Variants in MPP3 observed in about 807,000 individuals in gnomAD.
MPP3 encodes MAGUK p55 subfamily member 3.
In MPP3, 48 loss-of-function variants were observed where a neutral mutation model predicts 80.7. The ratio of observed to expected loss-of-function variants is 0.59; its 90% confidence interval spans 0.47 to 0.76. The LOEUF is 0.76. Ranked by LOEUF, MPP3 falls within the 30% of genes least tolerant of loss-of-function variation. The pLI is 0.00. For missense variants in MPP3, 620 were observed against 763.0 expected (o/e 0.81, Z 2.21); for synonymous variants, 311 against 297.6 (o/e 1.04, Z -0.46).
At chr17:43,801,976 G>T in intron 19 of MPP3, 99 bp from the exon 20 acceptor site, 2 of 1,233,780 alleles carry the variant, frequency 1.6e-6, no homozygotes, top group South Asian at 1.5e-5. Flanking sequence ...TAACTTTTAA[G>T]TGATGAGTGG....
chr17:43,821,139 C>A (rs1037076570), intron 10 of MPP3, 81 bp from the exon 11 acceptor site: 3 of 1,372,158 alleles, frequency 2.2e-6, no homozygotes, highest in South Asian at 1.2e-5. Context: ...GGCCACATGA[C>A]AACGACCATC....
chr17:43,804,238 T>TCC (rs2044525060), intron 19 of MPP3, among the ~76,000 whole-genome samples: 1 of 152,128 alleles, frequency 6.6e-6, no homozygotes, highest in African/African-American at 2.4e-5. Flanking sequence ...CATATGGAAA[T>TCC]GTAAAGGACC....
At chr17:43,808,220 C>T (rs2044702252) in intron 19 of MPP3, among the ~76,000 whole-genome samples, 1 of 152,176 alleles carries the variant, frequency 6.6e-6, no homozygotes. Context: ...TCCGAGAAGG[C>T]CTCCTTCAGA....
intron 10 of MPP3, among the ~76,000 whole-genome samples, chr17:43,821,261 A>G (rs372374313): frequency 3.6e-4 from 55 of 152,366 alleles, no homozygotes; most frequent in African/African-American, 1.3e-3. Flanking sequence ...CAGGAAGTCC[A>G]TCAAGAATCA....
At chr17:43,831,745 A>C in intron 3 of MPP3, 68 bp from the exon 4 acceptor site, 1 of 1,447,718 alleles carries the variant, frequency 6.9e-7, no homozygotes, top group South Asian at 1.2e-5. Context: ...GAGGAGCCCG[A>C]GTGGGGCCTC....
At chr17:43,806,007 T>A (rs566240979) in intron 19 of MPP3, among the ~76,000 whole-genome samples, 2 of 152,322 alleles carry the variant, frequency 1.3e-5, no homozygotes, top group South Asian at 4.1e-4. Flanking sequence ...CAAAATTTAG[T>A]CATGAGCCCA....
At chr17:43,831,410 C>T (rs2045954045) in intron 4 of MPP3, 89 bp from the exon 5 acceptor site, 1 of 1,428,540 alleles carries the variant, frequency 7.0e-7, no homozygotes, top group Non-Finnish European at 9.9e-7. Context: ...GACTGGGCCA[C>T]TGACAGGGCA....
rs2044390590 is a variant in MPP3, at chr17:43,800,974, G to C, written c.*727C>G. 1 of 152,238 alleles carries C rather than the reference G, an allele frequency of 6.6e-6. No homozygotes were observed. The highest frequency in any genetic ancestry group is 2.4e-5 in the African/African-American group (1 of 41,534). 9.4% of individuals were successfully genotyped at this position (152,238 alleles called of 1,614,324 possible). The stretch of plus-strand genomic sequence containing the variant: ...ACCAAGGCAACTGTCAGTAACAAAA[G>C]GGACAATGGATGGAATAGAACAAAT... On this transcript the variant is annotated 3_prime_UTR_variant, in exon 20 of 20. Coordinates refer to ENST00000398389, the MANE Select transcript of MPP3 (RefSeq NM_001932.6).
At chr17:43,805,877 C>G (rs2154591115) in intron 19 of MPP3, among the ~76,000 whole-genome samples, 1 of 152,280 alleles carries the variant, frequency 6.6e-6, no homozygotes, top group East Asian at 1.9e-4. Context: ...GTGGTAGTTG[C>G]AACAACTCTG....
intron 16 of MPP3, among the ~76,000 whole-genome samples, chr17:43,813,088 C>A (rs1473944488): frequency 2.6e-5 from 4 of 152,228 alleles, no homozygotes; most frequent in African/African-American, 9.6e-5. Flanking sequence ...AGCCACCAGG[C>A]ATTCACACTG....
chr17:43,807,874 T>C (rs1598323514), intron 19 of MPP3, among the ~76,000 whole-genome samples: 1 of 152,002 alleles, frequency 6.6e-6, no homozygotes, highest in African/African-American at 2.4e-5. Flanking sequence ...GAAGGAAGAC[T>C]GCTTGAGCCC....
intron 14 of MPP3, 199 bp from the exon 15 acceptor site, chr17:43,814,560 C>T (rs1260569320): frequency 7.8e-6 from 4 of 513,982 alleles, no homozygotes; most frequent in African/African-American, 1.9e-5. Flanking sequence ...CATTCACAAA[C>T]TAGGGCTTAA....
At chr17:43,809,895 A>C (rs1453059743) in intron 18 of MPP3, among the ~76,000 whole-genome samples, 3 of 152,110 alleles carry the variant, frequency 2.0e-5, no homozygotes. Flanking sequence ...AAAGAAAAAG[A>C]AATTGTACTC....
In MPP3 at chr17:43,824,013, G is replaced by A. The variant is rs369508128; in HGVS notation, c.610-8C>T. 50 of 1,597,880 alleles carry A rather than the reference G, an allele frequency of 3.1e-5. No individual in the cohort carries two copies. Among genetic ancestry groups the A allele is most frequent in the African/African-American group, 4.0e-5 (3 of 74,268 alleles). The stretch of plus-strand genomic sequence containing the variant: ...GGATCCCTGGGACTGGGCCTGAAAC[G>A]AAAGAGAACAGAAGCTTCTCGCCTA... On this transcript the variant is annotated splice_region_variant and splice_polypyrimidine_tract_variant and intron_variant, in intron 9 of 19. Transcript: ENST00000398389.
chr17:43,826,934 C>CAA (rs921936273), intron 8 of MPP3, among the ~76,000 whole-genome samples: 48 of 151,590 alleles, frequency 3.2e-4, no homozygotes, highest in African/African-American at 1.1e-3. Context: ...CTCCTGGGCT[C>CAA]AAACAATCTT....
intron 16 of MPP3, among the ~76,000 whole-genome samples, chr17:43,812,338 C>G (rs1354341031): frequency 1.3e-5 from 2 of 152,206 alleles, no homozygotes; most frequent in African/African-American, 4.8e-5. Flanking sequence ...CTTAGTCCAA[C>G]CTCCGGTAGA....
chr17:43,826,205 T>A (rs372614503), intron 8 of MPP3, among the ~76,000 whole-genome samples: 10 of 152,348 alleles, frequency 6.6e-5, no homozygotes, highest in African/African-American at 1.9e-4. Flanking sequence ...TCTTTAAAAT[T>A]ATCATTAACT....
chr17:43,826,778 A>G (rs886247809), intron 8 of MPP3, among the ~76,000 whole-genome samples: 2 of 151,528 alleles, frequency 1.3e-5, no homozygotes, highest in Non-Finnish European at 2.9e-5. Flanking sequence ...CCAACGCATG[A>G]GCTTTTTCTC....
At chr17:43,832,695 G>C (rs957305232) in intron 2 of MPP3, 66 bp downstream of exon 2, 2 of 152,798 alleles carry the variant, frequency 1.3e-5, no homozygotes, top group East Asian at 1.9e-4. Context: ...ACTAAGAGGC[G>C]TAAGAGCGGC....
Sources: allele counts gnomAD v4.1 joint callset (sites outside exome capture counted in the v4.1 genomes callset), GRCh38; gene constraint gnomAD v4.1.1; transcripts MANE v1.5; gene names NCBI Gene and HGNC (gene_info 2026-07-23, HGNC 2026-07-21).